The following CDH9 variants were observed in gnomAD, a reference collection of about 807,000 sequenced individuals.
CDH9 encodes cadherin-9.
A neutral mutation model predicts 70.9 loss-of-function variants in CDH9; 28 were observed. The ratio of observed to expected loss-of-function variants is 0.40; its 90% CI spans 0.29 to 0.54. The LOEUF (loss-of-function observed/expected upper bound fraction) is 0.54. CDH9 is among the 20% of genes least tolerant of loss of function. The pLI is 0.59. For missense variants in CDH9, 874 were observed against 984.4 expected (o/e 0.89, Z 1.50); for synonymous variants, 409 against 343.1 (o/e 1.19, Z -2.12).
chr5:26,915,643 T>C lies in CDH9; in HGVS notation c.510A>G (p.Glu170=). 5 of 1,592,112 alleles carry C rather than the reference T, an allele frequency of 3.1e-6. No homozygotes were observed. Among genetic ancestry groups the C allele is most frequent in the Non-Finnish European group, 4.3e-6 (5 of 1,160,196 alleles). Residue 170 remains glutamate, a synonymous_variant, in exon 3 of 12, where the codon GAA becomes GAG. Coordinates refer to ENST00000231021, the MANE Select transcript of CDH9 (RefSeq NM_016279.4). ...TKDLYTASVP[E]MSGVGTSVIQ... ...GAATATACCTACCGACTCCAGACAT[T>C]TCAGGAACACTGGCAGTGTATAAGT...
chr5:26,938,471 T>C (rs1419727584), intron 2 of CDH9, among the ~76,000 whole-genome samples: 3 of 152,082 alleles, frequency 2.0e-5, no homozygotes, highest in African/African-American at 2.4e-5. Context: ...ATATATATAA[T>C]AGAAAAGCTA....
At chr5:26,941,273 C>T (rs1741657640) in intron 2 of CDH9, among the ~76,000 whole-genome samples, 1 of 152,172 alleles carries the variant, frequency 6.6e-6, no homozygotes, top group Non-Finnish European at 1.5e-5. Flanking sequence ...TTGATGCTCT[C>T]TCTATAGGCA....
rs754653524 is a variant in CDH9 at position 26,890,407 on chromosome 5, G to A, written c.1390+21C>T. ...CTTTGATGAAAGACAGTGTCTTCGG[G>A]TAGATGTAGCTCCAACTTACTTATT... On this transcript the variant is annotated intron_variant, in intron 8 of 11. Coordinates refer to ENST00000231021, the MANE Select transcript of CDH9 (RefSeq NM_016279.4). 9.2e-5 allele frequency: 148 copies of A among 1,608,112 alleles called. No homozygotes were observed. In the South Asian group the frequency reaches 1.5e-3, roughly 16 times the overall value.
chr5:27,020,251 A>C (rs1013507153), intron 1 of CDH9, among the ~76,000 whole-genome samples: 1 of 151,872 alleles, frequency 6.6e-6, no homozygotes, highest in African/African-American at 2.4e-5. Context: ...TTGTTTCCAA[A>C]GTAAGGGTTA....
intron 2 of CDH9, among the ~76,000 whole-genome samples, chr5:26,971,281 C>T (rs1742214990): frequency 1.3e-5 from 2 of 152,072 alleles, no homozygotes; most frequent in South Asian, 4.1e-4. Flanking sequence ...ACTCATCGGT[C>T]ATATTATATC....
rs181897669 is a variant in CDH9, at chr5:26,932,948, G to T, written c.229-17024C>A. ...TATAATTTAAAATATTTGGTGTTTT[G>T]CTTTAGAGTATTATATGTGTTACAT... On this transcript the variant is annotated intron_variant, in intron 2 of 11. Transcript: ENST00000231021. 1.2e-3 allele frequency among the ~76,000 whole-genome samples: 177 copies of T among 147,368 alleles called. 1 individual carries two copies. Among genetic ancestry groups the T allele is most frequent in the African/African-American group, 4.3e-3 (172 of 40,398 alleles).
intron 2 of CDH9, among the ~76,000 whole-genome samples, chr5:26,919,925 C>A (rs1157348277): frequency 6.6e-6 from 1 of 152,086 alleles, no homozygotes; most frequent in East Asian, 1.9e-4. Context: ...TTGGGTAAGA[C>A]TCAGAGCTGT....
chr5:27,009,434 A>G (rs1742919853), intron 1 of CDH9, among the ~76,000 whole-genome samples: 1 of 152,136 alleles, frequency 6.6e-6, no homozygotes, highest in Admixed American at 6.6e-5. Flanking sequence ...CATGGCAGCC[A>G]ATGGAATTTT....
Position 26,881,019 on chromosome 5 carries a change from C to A in CDH9, c.*117G>T. The A allele has an allele frequency of 2.3e-6, 2 of 868,930 alleles. No individual in the cohort carries two copies. Among genetic ancestry groups the A allele is most frequent in the South Asian group, 1.7e-5 (1 of 57,484 alleles). 53.8% of individuals were successfully genotyped at this position (868,930 alleles called of 1,614,324 possible). Reference sequence around the variant, plus strand: ...GCAAATCCCTACTTGACAACATCTACGTATTGTTTGTAACTTCAATTTTTG... The same window carrying A: ...GCAAATCCCTACTTGACAACATCTAAGTATTGTTTGTAACTTCAATTTTTG... On this transcript the variant is annotated 3_prime_UTR_variant, in exon 12 of 12. Transcript: ENST00000231021.
chr5:26,963,735 A>G (rs1742079519), intron 2 of CDH9, among the ~76,000 whole-genome samples: 2 of 151,924 alleles, frequency 1.3e-5, no homozygotes, highest in South Asian at 4.1e-4. Context: ...GGCCTTCTTT[A>G]AAAAAAAAGA....
intron 1 of CDH9, among the ~76,000 whole-genome samples, chr5:27,002,537 T>C (rs1742789062): frequency 6.6e-6 from 1 of 152,104 alleles, no homozygotes; most frequent in Admixed American, 6.5e-5. Flanking sequence ...CCATCAATGA[T>C]AGACTGGATT....
At chr5:26,892,902 T>G (rs560804834) in intron 7 of CDH9, among the ~76,000 whole-genome samples, 3 of 152,054 alleles carry the variant, frequency 2.0e-5, no homozygotes, top group Non-Finnish European at 2.9e-5. Context: ...GGCTAATTTT[T>G]TTTTGTATTT....
intron 2 of CDH9, among the ~76,000 whole-genome samples, chr5:26,924,220 GA>G (rs1161831747): frequency 2.0e-5 from 3 of 151,678 alleles, no homozygotes; most frequent in Non-Finnish European, 4.4e-5. Context: ...GACATATTAC[GA>G]CTGAGACCAG....
At chr5:27,005,323 C>A (rs562054279) in intron 1 of CDH9, among the ~76,000 whole-genome samples, 1 of 151,830 alleles carries the variant, frequency 6.6e-6, no homozygotes, top group African/African-American at 2.4e-5. Context: ...GATTTCATGA[C>A]AAGGGCACCA....
intron 2 of CDH9, among the ~76,000 whole-genome samples, chr5:26,943,027 C>A (rs1306129282): frequency 6.6e-6 from 1 of 152,126 alleles, no homozygotes; most frequent in East Asian, 1.9e-4. Flanking sequence ...TTATATGGGA[C>A]AAGACCAAAT....
intron 2 of CDH9, among the ~76,000 whole-genome samples, chr5:26,954,814 A>G (rs1561016805): frequency 1.3e-5 from 2 of 152,202 alleles, no homozygotes; most frequent in African/African-American, 2.4e-5. Flanking sequence ...AAATCTAACA[A>G]AATTGCAAAA....
intron 7 of CDH9, among the ~76,000 whole-genome samples, chr5:26,899,077 T>C (rs1394882249): frequency 6.6e-6 from 1 of 152,088 alleles, no homozygotes; most frequent in Non-Finnish European, 1.5e-5. Context: ...AAAAAGCTCA[T>C]CATCACTGGT....
intron 1 of CDH9, among the ~76,000 whole-genome samples, chr5:27,014,814 C>T (rs144427117): frequency 1.1e-4 from 16 of 151,888 alleles, no homozygotes; most frequent in African/African-American, 3.9e-4. Flanking sequence ...TCCTGATCTG[C>T]CCACTCTGAA....
intron 2 of CDH9, among the ~76,000 whole-genome samples, chr5:26,942,297 A>G (rs1264880608): frequency 1.3e-5 from 2 of 152,160 alleles, no homozygotes; most frequent in East Asian, 3.9e-4. Flanking sequence ...ATTACTTCCC[A>G]CTGGGTCCCT....
Sources: gnomAD v4.1 joint callset for allele counts (sites outside exome capture counted in the v4.1 genomes callset) on GRCh38, gnomAD v4.1.1 for gene constraint, MANE v1.5 for transcripts, NCBI Gene and HGNC (gene_info 2026-07-23, HGNC 2026-07-21) for gene names.